The following DLC1 variants were observed in gnomAD, a reference collection of about 807,000 sequenced individuals.
The protein encoded by DLC1 is DLC1 Rho GTPase activating protein.
A neutral mutation model predicts 140.3 loss-of-function variants in DLC1; 54 were observed. That is an observed-to-expected ratio of 0.38 (90% CI 0.31 to 0.48). The LOEUF is 0.48. Among genes scored for constraint, DLC1 ranks in the 20% least tolerant of loss-of-function variants. The probability of loss-of-function intolerance (pLI) is 0.96; values close to 1 mark genes in which losing one functional copy is unlikely to be tolerated. For missense variants in DLC1, 2,536 were observed against 1,907.0 expected (o/e 1.33, Z -6.14); for synonymous variants, 986 against 728.1 (o/e 1.35, Z -5.70).
intron 1 of DLC1, among the ~76,000 whole-genome samples, chr8:13,560,380 G>C (rs1227848037): frequency 6.6e-6 from 1 of 152,180 alleles, no homozygotes; most frequent in African/African-American, 2.4e-5. Context: ...AGGCTGGCCA[G>C]ACAGGTTTGT....
Position 13,387,782 on chromosome 8 carries a change from G to A in DLC1, c.1314+5771C>T, listed in dbSNP as rs186701258. Among the ~76,000 whole-genome samples, 29 of 152,076 alleles carry A rather than the reference G, an allele frequency of 1.9e-4. 1 individual carries two copies. In the East Asian group the frequency reaches 5.6e-3, roughly 29 times the overall value. ...CCTAATTTATTGCAAAGGTAATACCGTGCAATGATCCATTAGGAAATAAAC... is the reference window on the plus strand; with the variant it reads ...CCTAATTTATTGCAAAGGTAATACCATGCAATGATCCATTAGGAAATAAAC... On this transcript the variant is annotated intron_variant, in intron 4 of 17. Coordinates refer to ENST00000276297, the MANE Select transcript of DLC1 (RefSeq NM_182643.3).
At chr8:13,247,551 G>A (rs1829818076) in intron 5 of DLC1, among the ~76,000 whole-genome samples, 1 of 152,162 alleles carries the variant, frequency 6.6e-6, no homozygotes, top group African/African-American at 2.4e-5. Context: ...AGCCCAGAGA[G>A]GTTAAGTATC....
chr8:13,319,128 A>C (rs1446535928), intron 4 of DLC1, among the ~76,000 whole-genome samples: 4 of 152,196 alleles, frequency 2.6e-5, no homozygotes, highest in African/African-American at 9.6e-5. Context: ...TCAGACTCAA[A>C]CGTAATTGGT....
At chr8:13,516,628 T>G (rs2117273985), upstream of DLC1, among the ~76,000 whole-genome samples, 1 of 152,300 alleles carries the variant, frequency 6.6e-6, no homozygotes, top group South Asian at 2.1e-4. Context: ...AGAAGCAGCT[T>G]TAAAAGTTTA....
intron 5 of DLC1, among the ~76,000 whole-genome samples, chr8:13,138,267 CT>C (rs1173427323): frequency 1.3e-5 from 2 of 152,194 alleles, no homozygotes; most frequent in African/African-American, 4.8e-5. Context: ...GGCTTAGTGG[CT>C]TGTTGACCTG....
chr8:13,596,970 CTT>C (rs1403328180), intron 1 of DLC1, among the ~76,000 whole-genome samples: 3 of 151,968 alleles, frequency 2.0e-5, no homozygotes, highest in Admixed American at 1.3e-4. Flanking sequence ...CAGATACACT[CTT>C]TTGTTTTTTC....
chr8:13,480,979 G>A (rs1325647922), intron 2 of DLC1, among the ~76,000 whole-genome samples: 1 of 152,108 alleles, frequency 6.6e-6, no homozygotes, highest in Non-Finnish European at 1.5e-5. Context: ...AAAGGGGTTA[G>A]GACCAAAGGC....
At chr8:13,164,346 C>A (rs1051707435) in intron 5 of DLC1, among the ~76,000 whole-genome samples, 3 of 147,024 alleles carry the variant, frequency 2.0e-5, no homozygotes, top group Non-Finnish European at 3.0e-5. Flanking sequence ...GTCTGTCTGT[C>A]TGTCTCTCTC....
At chr8:13,575,049 A>G (rs568837712) in intron 1 of DLC1, among the ~76,000 whole-genome samples, 9 of 152,350 alleles carry the variant, frequency 5.9e-5, no homozygotes, top group Middle Eastern at 3.4e-3. Context: ...CAAAATGAAA[A>G]CATAGTTGAA....
At chr8:13,324,553 A>G (rs10113004) in intron 4 of DLC1, among the ~76,000 whole-genome samples, 54,117 of 138,704 alleles carry the variant, frequency 0.39, 10,647 homozygotes, top group Middle Eastern at 0.5. Flanking sequence ...AGCCTGGGCA[A>G]AAGAGCTAGA....
intron 5 of DLC1, among the ~76,000 whole-genome samples, chr8:13,162,484 G>T (rs185344355): frequency 6.6e-6 from 1 of 152,114 alleles, no homozygotes; most frequent in African/African-American, 2.4e-5. Flanking sequence ...CACCAAACCC[G>T]GCTAATTTTT....
At chr8:13,150,060 C>T (rs966557729) in intron 5 of DLC1, among the ~76,000 whole-genome samples, 8 of 152,210 alleles carry the variant, frequency 5.3e-5, no homozygotes, top group Admixed American at 4.6e-4. Flanking sequence ...ATAAAACCGA[C>T]ACCACTTGAA....
intron 12 of DLC1, among the ~76,000 whole-genome samples, 159 bp from the exon 13 acceptor site, chr8:13,092,984 T>C (rs1426480566): frequency 6.6e-6 from 1 of 152,122 alleles, no homozygotes; most frequent in Non-Finnish European, 1.5e-5. Flanking sequence ...AAGTTATGAA[T>C]TGCCACCGGC....
At chr8:13,398,258 A>G (rs2117238208) in intron 3 of DLC1, among the ~76,000 whole-genome samples, 1 of 147,222 alleles carries the variant, frequency 6.8e-6, no homozygotes, top group African/African-American at 2.5e-5. Context: ...TTCCAGAAAG[A>G]GAGTCAAGAG....
chr8:13,552,576 T>A (rs1327445880), intron 1 of DLC1, among the ~76,000 whole-genome samples: 1 of 151,516 alleles, frequency 6.6e-6, no homozygotes, highest in East Asian at 1.9e-4. Context: ...TGTTGGGCAG[T>A]TATATAAATG....
chr8:13,248,822 G>T (rs1286173226), intron 5 of DLC1, among the ~76,000 whole-genome samples: 1 of 152,072 alleles, frequency 6.6e-6, no homozygotes, highest in Non-Finnish European at 1.5e-5. Flanking sequence ...TCTTCAACCA[G>T]GAAAACCTCC....
chr8:13,310,555 T>G (rs1056464977), intron 4 of DLC1, among the ~76,000 whole-genome samples: 1 of 151,658 alleles, frequency 6.6e-6, no homozygotes, highest in Non-Finnish European at 1.5e-5. Context: ...GGAAGCGTTT[T>G]GGGATTCACA....
intron 5 of DLC1, among the ~76,000 whole-genome samples, chr8:13,239,295 C>A (rs17188796): frequency 0.05 from 7,561 of 151,848 alleles, 241 homozygotes; most frequent in South Asian, 0.14. Context: ...AAGAGCGGGG[C>A]AAATAATCCA....
At chr8:13,498,027 G>T (rs932900012) in intron 2 of DLC1, among the ~76,000 whole-genome samples, 13 of 152,040 alleles carry the variant, frequency 8.6e-5, no homozygotes, top group Non-Finnish European at 1.8e-4. Flanking sequence ...CTCTCTCATG[G>T]TAGATAGCCC....
Sources: allele counts gnomAD v4.1 joint callset (sites outside exome capture counted in the v4.1 genomes callset), GRCh38; gene constraint gnomAD v4.1.1; transcripts MANE v1.5; gene names NCBI Gene and HGNC (gene_info 2026-07-23, HGNC 2026-07-21).